Variants in FMNL2 observed in about 807,000 individuals in gnomAD.
FMNL2 encodes the protein formin like 2.
In FMNL2, 51 loss-of-function variants were observed where a neutral mutation model predicts 130.2. The ratio of observed to expected loss-of-function variants is 0.39; its 90% confidence interval spans 0.31 to 0.49. FMNL2 has a LOEUF of 0.49. FMNL2 is among the 20% of genes least tolerant of loss of function. FMNL2 has a pLI of 0.85. For missense variants in FMNL2, 977 were observed against 1,316.2 expected, an observed-to-expected ratio of 0.74 and a Z score of 3.99; for synonymous variants, 465 against 467.1, an observed-to-expected ratio of 1.00 and a Z score of 0.06.
chr2:152,432,748 G>C (rs1019171773), intron 1 of FMNL2, among the ~76,000 whole-genome samples: 1 of 152,156 alleles, frequency 6.6e-6, no homozygotes, highest in Non-Finnish European at 1.5e-5. Context: ...GCCTTTCTTG[G>C]GACTCTAACA....
chr2:152,487,647 ATG>A (rs1690906112), intron 1 of FMNL2, among the ~76,000 whole-genome samples: 1 of 152,240 alleles, frequency 6.6e-6, no homozygotes, highest in Non-Finnish European at 1.5e-5. Flanking sequence ...TTTAAAATGT[ATG>A]TGAAAAAACC....
Position 152,571,737 on chromosome 2 carries a change from G to T in FMNL2, c.597-3399G>T, listed in dbSNP as rs539651584. ...AGAGGGCTGTGGCAAAGGACCTGAT[G>T]CAGGCTGCCTTATCCTCTCTTTCAA... On this transcript the variant is annotated intron_variant, in intron 6 of 25. Transcript: ENST00000288670. Among the ~76,000 whole-genome samples the T allele has an allele frequency of 3.7e-4, 57 of 152,302 alleles. 1 individual carries two copies. The highest frequency in any genetic ancestry group is 1.4e-3 in the Admixed American group (21 of 15,306).
rs1321055317 is a variant in FMNL2, at chr2:152,581,066, T to C, written c.876+17T>C. 1 of 1,602,188 alleles carries C rather than the reference T, an allele frequency of 6.2e-7. No homozygotes were observed. Among genetic ancestry groups the C allele is most frequent in the Admixed American group, 1.7e-5 (1 of 59,000 alleles). ...TTTAAAGAGGTAGGCTACACTATAG[T>C]TTTCATAAGAATACTCACACATCTT... On this transcript the variant is annotated intron_variant, in intron 9 of 25. Coordinates refer to ENST00000288670, the MANE Select transcript of FMNL2 (RefSeq NM_052905.4).
intron 1 of FMNL2, among the ~76,000 whole-genome samples, chr2:152,386,662 C>G (rs1279101752): frequency 1.4e-5 from 2 of 143,538 alleles, no homozygotes; most frequent in Non-Finnish European, 3.1e-5. Context: ...TTCAGCAATT[C>G]ATTGTCTGTC....
intron 1 of FMNL2, among the ~76,000 whole-genome samples, chr2:152,402,878 ACTTAATGTT>A (rs1427156882): frequency 6.6e-6 from 1 of 152,160 alleles, no homozygotes; most frequent in Non-Finnish European, 1.5e-5. Context: ...CTCAGTTGAT[ACTTAATGTT>A]CTTTTTCGGT....
intron 1 of FMNL2, among the ~76,000 whole-genome samples, chr2:152,453,266 G>A (rs1185877863): frequency 1.3e-5 from 2 of 152,112 alleles, no homozygotes; most frequent in Non-Finnish European, 2.9e-5. Context: ...TGAATGAAAG[G>A]TCAGGAGTGG....
intron 9 of FMNL2, among the ~76,000 whole-genome samples, chr2:152,593,917 G>T (rs1697613228): frequency 6.6e-6 from 1 of 151,020 alleles, no homozygotes; most frequent in Non-Finnish European, 1.5e-5. Flanking sequence ...GAGAGAGAGA[G>T]AGAGAGAGAG....
intron 4 of FMNL2, among the ~76,000 whole-genome samples, chr2:152,550,591 T>G (rs999984738): frequency 2.6e-5 from 4 of 152,256 alleles, no homozygotes; most frequent in African/African-American, 9.6e-5. Context: ...TGACTTATGC[T>G]GGCAGCCGTT....
chr2:152,512,366 A>G (rs929299124), intron 1 of FMNL2, among the ~76,000 whole-genome samples: 2 of 152,178 alleles, frequency 1.3e-5, no homozygotes, highest in African/African-American at 4.8e-5. Flanking sequence ...CACTTTGGCC[A>G]GAGGAGGGAT....
intron 6 of FMNL2, among the ~76,000 whole-genome samples, chr2:152,562,544 C>T (rs961022624): frequency 1.8e-4 from 28 of 152,148 alleles, no homozygotes; most frequent in Non-Finnish European, 1.0e-4. Context: ...AGTATGATAC[C>T]TCCAGTAAAT....
chr2:152,643,970 C>A, intron 25 of FMNL2: 1 of 848,082 alleles, frequency 1.2e-6, no homozygotes, highest in Non-Finnish European at 1.4e-6. Flanking sequence ...TGGCACACGC[C>A]TGTAATTCCA....
chr2:152,424,991 A>G (rs904306685), intron 1 of FMNL2, among the ~76,000 whole-genome samples: 3 of 152,082 alleles, frequency 2.0e-5, no homozygotes, highest in African/African-American at 4.8e-5. Context: ...TTCACTTTTA[A>G]CTCTTCATGT....
At chr2:152,429,125 G>A (rs1015604779) in intron 1 of FMNL2, among the ~76,000 whole-genome samples, 4 of 150,142 alleles carry the variant, frequency 2.7e-5, no homozygotes, top group Admixed American at 6.7e-5. Flanking sequence ...GCAAATCACC[G>A]TGTTTACCTA....
chr2:152,545,683 T>G (rs894786204), intron 3 of FMNL2, among the ~76,000 whole-genome samples: 1 of 152,194 alleles, frequency 6.6e-6, no homozygotes, highest in Non-Finnish European at 1.5e-5. Context: ...CAGGCCTCCC[T>G]TGATGGGGAG....
intron 1 of FMNL2, among the ~76,000 whole-genome samples, chr2:152,437,539 C>T (rs1354462223): frequency 6.6e-6 from 1 of 152,184 alleles, no homozygotes; most frequent in African/African-American, 2.4e-5. Context: ...CCACTTCTGA[C>T]CTGCGGCAGA....
chr2:152,390,722 CAG>C, intron 1 of FMNL2: 3 of 703,740 alleles, frequency 4.3e-6, no homozygotes, highest in Non-Finnish European at 5.2e-6. Context: ...TTGTGAGCCT[CAG>C]GGCTTGGGGT....
chr2:152,627,141 A>G (rs1321733928), intron 17 of FMNL2, among the ~76,000 whole-genome samples: 1 of 152,256 alleles, frequency 6.6e-6, no homozygotes, highest in African/African-American at 2.4e-5. Context: ...TCTGGATTTT[A>G]TCCAGATTTG....
At chr2:152,368,535 C>T (rs1683697107) in intron 1 of FMNL2, among the ~76,000 whole-genome samples, 1 of 151,722 alleles carries the variant, frequency 6.6e-6, no homozygotes. Flanking sequence ...CCAAAAAGTA[C>T]CTCCTCTCTT....
At chr2:152,364,259 G>GTTTTTTTTTTTT (rs1163993397) in intron 1 of FMNL2, among the ~76,000 whole-genome samples, 35 of 100,746 alleles carry the variant, frequency 3.5e-4, no homozygotes, top group South Asian at 1.3e-3. Flanking sequence ...GGAGGTTTGT[G>GTTTTTTTTTTTT]TGTTTTTTTT....
Sources: gnomAD v4.1 joint callset for allele counts (sites outside exome capture counted in the v4.1 genomes callset) on GRCh38, gnomAD v4.1.1 for gene constraint, MANE v1.5 for transcripts, NCBI Gene and HGNC (gene_info 2026-07-23, HGNC 2026-07-21) for gene names.